The following GRM7 variants were observed in gnomAD, a reference collection of about 807,000 sequenced individuals.
GRM7 encodes glutamate metabotropic receptor 7.
GRM7 carries 35 observed loss-of-function variants against 84.5 expected under a neutral mutation model. The ratio of observed to expected loss-of-function variants is 0.41; its 90% CI spans 0.32 to 0.55. The LOEUF (loss-of-function observed/expected upper bound fraction) is 0.55. GRM7 is among the 20% of genes least tolerant of loss of function. The pLI, the probability that GRM7 is intolerant of heterozygous loss-of-function variation, is 0.19. For missense variants in GRM7, 1,003 were observed against 1,194.6 expected (o/e 0.84, Z 2.36); for synonymous variants, 487 against 455.1 (o/e 1.07, Z -0.89).
chr3:7,677,951 A>G (rs1700202358), intron 8 of GRM7, among the ~76,000 whole-genome samples: 1 of 152,240 alleles, frequency 6.6e-6, no homozygotes, highest in Non-Finnish European at 1.5e-5. Context: ...GTTGAACTGT[A>G]GGCCATTTTT....
At chr3:6,952,183 G>A (rs976287777) in intron 1 of GRM7, among the ~76,000 whole-genome samples, 2 of 152,128 alleles carry the variant, frequency 1.3e-5, no homozygotes, top group Non-Finnish European at 1.5e-5. Context: ...AGGGTCGTTA[G>A]GAAGGAACAG....
intron 4 of GRM7, among the ~76,000 whole-genome samples, chr3:7,326,190 A>C (rs182155606): frequency 1.9e-3 from 294 of 151,912 alleles, no homozygotes; most frequent in Non-Finnish European, 3.0e-3. Context: ...AGAAAAAAAA[A>C]CACATTATTT....
chr3:6,861,149 C>G lies in GRM7; in HGVS notation c.-240C>G, dbSNP rs1694739080. 2.3e-6 allele frequency: 1 copy of G among 429,590 alleles called. No individual in the cohort carries two copies. The highest frequency in any genetic ancestry group is 4.1e-6 in the Non-Finnish European group (1 of 246,148). The allele number at this position is 429,590 out of a possible 1,614,324, so 26.6% of individuals were successfully genotyped here. On this transcript the variant is annotated 5_prime_UTR_variant, in exon 1 of 10. Coordinates refer to ENST00000357716, the MANE Select transcript of GRM7 (RefSeq NM_000844.4). The surrounding 1 kb of genome is among the most constrained non-coding windows in gnomAD (Gnocchi z 6.4). ...CTGTTGGAGAGAGCGAGCAGCAAGC[C>G]GGTGAGCGCGAGCGCGGCGCGCCGG...
chr3:7,469,763 C>A (rs1698620362), intron 7 of GRM7, among the ~76,000 whole-genome samples: 2 of 152,144 alleles, frequency 1.3e-5, no homozygotes, highest in South Asian at 2.1e-4. Context: ...TTGTCAGCAT[C>A]TCTGAATCTG....
intron 2 of GRM7, among the ~76,000 whole-genome samples, chr3:7,148,432 G>T (rs928445379): frequency 2.0e-5 from 3 of 152,112 alleles, no homozygotes; most frequent in East Asian, 1.9e-4. Flanking sequence ...CTTTAAACTG[G>T]ATGAAGCAAA....
At chr3:7,017,930 C>T (rs796909346) in intron 1 of GRM7, among the ~76,000 whole-genome samples, 42 of 152,258 alleles carry the variant, frequency 2.8e-4, no homozygotes, top group African/African-American at 1.0e-3. Flanking sequence ...TGGTTAGGTC[C>T]TTTAGTTCCA....
intron 8 of GRM7, among the ~76,000 whole-genome samples, chr3:7,641,869 CGTTTT>C (rs1559458054): frequency 6.6e-6 from 1 of 151,958 alleles, no homozygotes; most frequent in African/African-American, 2.4e-5. Flanking sequence ...TCTACATTGT[CGTTTT>C]GTTTTGTTTT....
chr3:7,326,284 C>G (rs1053311676), intron 4 of GRM7, among the ~76,000 whole-genome samples: 3 of 122,470 alleles, frequency 2.4e-5, no homozygotes, highest in Non-Finnish European at 5.4e-5. Flanking sequence ...ATAGGTGTCT[C>G]ACTTCTTCAG....
At chr3:7,501,607 A>C (rs1318424138) in intron 7 of GRM7, among the ~76,000 whole-genome samples, 1 of 152,186 alleles carries the variant, frequency 6.6e-6, no homozygotes, top group African/African-American at 2.4e-5. Context: ...CTAGAATTCT[A>C]ACACAGGACT....
intron 8 of GRM7, among the ~76,000 whole-genome samples, chr3:7,659,979 C>T (rs1699365472): frequency 6.6e-6 from 1 of 152,172 alleles, no homozygotes; most frequent in Admixed American, 6.5e-5. Flanking sequence ...GTAGTAGCAT[C>T]TGCTTTCTAA....
intron 5 of GRM7, among the ~76,000 whole-genome samples, chr3:7,449,575 A>T (rs181184917): frequency 6.6e-6 from 1 of 152,276 alleles, no homozygotes; most frequent in East Asian, 1.9e-4. Context: ...ATATGTTATA[A>T]AGCCTTTATA....
intron 8 of GRM7, among the ~76,000 whole-genome samples, chr3:7,621,427 C>G (rs1023059638): frequency 2.0e-5 from 3 of 152,060 alleles, no homozygotes; most frequent in African/African-American, 7.2e-5. Flanking sequence ...TAATTAAACA[C>G]AAACGTGGAC....
chr3:7,328,922 C>T (rs12634788), intron 4 of GRM7, among the ~76,000 whole-genome samples: 10,683 of 152,006 alleles, frequency 0.07, 1,159 homozygotes, highest in African/African-American at 0.23. Context: ...GTCTACCTTC[C>T]GCCTTATGAG....
intron 8 of GRM7, among the ~76,000 whole-genome samples, chr3:7,581,728 G>C (rs1259263497): frequency 1.3e-5 from 2 of 152,102 alleles, no homozygotes; most frequent in Non-Finnish European, 2.9e-5. Flanking sequence ...ATAAGATTAG[G>C]CAGTGAGTTC....
At chr3:7,501,502 G>A (rs1325249383) in intron 7 of GRM7, among the ~76,000 whole-genome samples, 1 of 152,174 alleles carries the variant, frequency 6.6e-6, no homozygotes, top group African/African-American at 2.4e-5. Flanking sequence ...TCTGAGTTTG[G>A]CACTAGTTTT....
intron 2 of GRM7, among the ~76,000 whole-genome samples, chr3:7,284,302 G>A (rs970561603): frequency 7.1e-5 from 9 of 127,212 alleles, no homozygotes; most frequent in Non-Finnish European, 1.6e-4. Flanking sequence ...GTGTGTGTGT[G>A]TGTGTGTGTG....
intron 1 of GRM7, among the ~76,000 whole-genome samples, chr3:7,118,284 C>T (rs746252023): frequency 9.2e-5 from 14 of 151,554 alleles, no homozygotes; most frequent in Non-Finnish European, 1.5e-4. Flanking sequence ...CCAGTTACTC[C>T]GGAGGCTGAG....
intron 5 of GRM7, among the ~76,000 whole-genome samples, chr3:7,449,814 A>G (rs1256137025): frequency 6.6e-6 from 1 of 152,172 alleles, no homozygotes; most frequent in East Asian, 1.9e-4. Flanking sequence ...ATACGTTCCA[A>G]GTGAGTCAAA....
chr3:6,898,402 C>CAAAAAAAAA (rs58548226), intron 1 of GRM7, among the ~76,000 whole-genome samples: 1 of 101,838 alleles, frequency 9.8e-6, no homozygotes. Flanking sequence ...GGCACAAAGA[C>CAAAAAAAAA]AAAAAAAAAA....
Sources: allele counts gnomAD v4.1 joint callset (sites outside exome capture counted in the v4.1 genomes callset), GRCh38; gene constraint gnomAD v4.1.1; non-coding constraint Gnocchi (gnomAD v3.1); transcripts MANE v1.5; gene names NCBI Gene and HGNC (gene_info 2026-07-23, HGNC 2026-07-21).